Variants in ZFTRAF1 observed in about 807,000 individuals in gnomAD.
ZFTRAF1 encodes the protein zinc finger TRAF-type and ring finger containing 1.
the ZFTRAF1 span, chr8:144,455,556 G>GC: frequency 0.92 from 140,264 of 152,160 alleles, 65,400 homozygotes; most frequent in Non-Finnish European, 1. Context: ...TCCTCTCACA[G>GC]CCCCCCGCCC....
the ZFTRAF1 span, among the ~76,000 whole-genome samples, chr8:144,452,779 T>C: frequency 1.4e-4 from 21 of 151,612 alleles, no homozygotes; most frequent in Admixed American, 2.6e-4. Context: ...GAAGGAAGAG[T>C]GCAAGCTTGA....
At chr8:144,452,055 G>A in the ZFTRAF1 span, 1 of 442,984 alleles carries the variant, frequency 2.3e-6, no homozygotes, top group Non-Finnish European at 4.3e-6. Flanking sequence ...TGAGGCTCTG[G>A]AGCCCCACAG....
chr8:144,453,595 C>T, the ZFTRAF1 span: 49 of 754,844 alleles, frequency 6.5e-5, no homozygotes, highest in East Asian at 5.9e-4. Context: ...GTGCCTGTCC[C>T]GAGTCGTGCT....
the ZFTRAF1 span, among the ~76,000 whole-genome samples, chr8:144,461,341 TGAAA>T: frequency 6.6e-6 from 1 of 152,038 alleles, no homozygotes; most frequent in Non-Finnish European, 1.5e-5. Context: ...ACTGGGGAGT[TGAAA>T]GAGAGGGAAA....
the ZFTRAF1 span, among the ~76,000 whole-genome samples, chr8:144,461,968 G>A: frequency 0.011 from 1,747 of 152,244 alleles, 41 homozygotes; most frequent in African/African-American, 0.04. Context: ...GTGTTCAGGG[G>A]ACCGTGGGGA....
At chr8:144,450,497 T>G in the ZFTRAF1 span, 4 of 718,166 alleles carry the variant, frequency 5.6e-6, no homozygotes, top group South Asian at 1.5e-5. Context: ...GTTGCTCTCG[T>G]TGGTGAAGAC....
At chr8:144,453,149 C>T in the ZFTRAF1 span, 1 of 1,355,538 alleles carries the variant, frequency 7.4e-7, no homozygotes, top group Non-Finnish European at 1.0e-6. Flanking sequence ...TGCACAGGGC[C>T]CTGCTGCACC....
At chr8:144,450,867 G>C in the ZFTRAF1 span, 1 of 606,662 alleles carries the variant, frequency 1.6e-6, no homozygotes, top group Non-Finnish European at 3.0e-6. Context: ...AGGCTCAGCC[G>C]GGGAGGAAGG....
At chr8:144,453,126 A>G in the ZFTRAF1 span, 6 of 1,143,758 alleles carry the variant, frequency 5.2e-6, no homozygotes, top group South Asian at 5.9e-5. Context: ...CAGCAGAGAC[A>G]GCCAGACCAC....
the ZFTRAF1 span, among the ~76,000 whole-genome samples, chr8:144,461,282 T>C: frequency 3.9e-5 from 6 of 152,336 alleles, no homozygotes; most frequent in Non-Finnish European, 5.9e-5. Flanking sequence ...TTCCAGCTCC[T>C]GTAAGTGTAA....
At chr8:144,456,870 G>A in the ZFTRAF1 span, 17 of 149,034 alleles carry the variant, frequency 1.1e-4, no homozygotes, top group African/African-American at 3.9e-4. Flanking sequence ...ATTGCATCAT[G>A]GGGGGTGACA....
the ZFTRAF1 span, among the ~76,000 whole-genome samples, chr8:144,462,013 A>G: frequency 1.3e-5 from 2 of 152,156 alleles, no homozygotes; most frequent in Admixed American, 6.5e-5. Flanking sequence ...TAAGCGGAAG[A>G]CAAGCGATTC....
chr8:144,452,400 C>T, the ZFTRAF1 span: 1 of 1,550,198 alleles, frequency 6.5e-7, no homozygotes, highest in Non-Finnish European at 8.7e-7. Flanking sequence ...GCTGAAGATG[C>T]TGTTGTACAG....
chr8:144,453,177 G>C, the ZFTRAF1 span: 47 of 1,523,920 alleles, frequency 3.1e-5, no homozygotes, highest in Admixed American at 7.9e-5. Flanking sequence ...GCTCCCAGCA[G>C]TCCTGGGCCC....
the ZFTRAF1 span, chr8:144,450,523 G>C: frequency 1.4e-6 from 1 of 718,286 alleles, no homozygotes. Flanking sequence ...GGTAGATGAC[G>C]GGGCTGATCC....
At chr8:144,453,079 C>T in the ZFTRAF1 span, 26 of 726,332 alleles carry the variant, frequency 3.6e-5, no homozygotes, top group African/African-American at 1.1e-4. Context: ...CCCACAGGGC[C>T]GTCACTGGGC....
the ZFTRAF1 span, chr8:144,450,617 G>C: frequency 1.4e-6 from 1 of 717,972 alleles, no homozygotes; most frequent in Non-Finnish European, 2.6e-6. Context: ...GAGCTGGAAG[G>C]AGAGCGTACG....
At chr8:144,453,116 C>G in the ZFTRAF1 span, 2 of 1,019,068 alleles carry the variant, frequency 2.0e-6, no homozygotes, top group Non-Finnish European at 2.9e-6. Context: ...AAGGCCCAGA[C>G]AGCAGAGACA....
chr8:144,450,347 C>G, the ZFTRAF1 span: 7 of 703,302 alleles, frequency 1.0e-5, no homozygotes, highest in South Asian at 7.4e-5. Context: ...GGATGCCGCC[C>G]GTGGGCTCCT....
Sources: gnomAD v4.1 joint callset for allele counts (sites outside exome capture counted in the v4.1 genomes callset) on GRCh38, gnomAD v4.1.1 for gene constraint, MANE v1.5 for transcripts, NCBI Gene and HGNC (gene_info 2026-07-23, HGNC 2026-07-21) for gene names.